Variants in CLTC observed in about 807,000 individuals in gnomAD.
CLTC encodes clathrin heavy chain.
Under a neutral mutation model 195.8 loss-of-function variants are expected in CLTC, and 16 were observed. The ratio of observed to expected loss-of-function variants is 0.08; its 90% CI spans 0.06 to 0.12. The LOEUF is 0.12. Ranked by LOEUF, CLTC falls within the 10% of genes least tolerant of loss-of-function variation. CLTC has a pLI of 1.00. For synonymous variants in CLTC, 667 were observed against 689.4 expected, an observed-to-expected ratio of 0.97 and a Z score of 0.51; for missense variants, 796 against 2,027.0, an observed-to-expected ratio of 0.39 and a Z score of 11.66.
chr17:59,679,353 C>G, intron 17 of CLTC, 44 bp from the exon 18 acceptor site: 2 of 1,505,790 alleles, frequency 1.3e-6, no homozygotes, highest in Non-Finnish European at 1.8e-6. Flanking sequence ...TATAAAAAGT[C>G]CTTTACTTTT....
intron 1 of CLTC, among the ~76,000 whole-genome samples, chr17:59,623,806 T>C (rs2031459910): frequency 6.6e-6 from 1 of 152,246 alleles, no homozygotes; most frequent in Non-Finnish European, 1.5e-5. Flanking sequence ...TACATAGGGA[T>C]ATTGAGCACT....
Position 59,673,632 on chromosome 17 carries a change from T to C in CLTC, c.2293-15T>C, listed in dbSNP as rs751027553. On this transcript the variant is annotated splice_polypyrimidine_tract_variant and intron_variant, in intron 14 of 31. Coordinates refer to ENST00000269122, the MANE Select transcript of CLTC (RefSeq NM_004859.4). ...GAAGAAATTTAAAGTTTCCTTTTGT[T>C]TGTCTTTTTTTCAGGAAGCAAAACT... 8 of 1,601,106 alleles carry C rather than the reference T, an allele frequency of 5.0e-6. No homozygotes were observed. The highest frequency in any genetic ancestry group is 3.3e-4 in the Middle Eastern group (2 of 5,984).
intron 5 of CLTC, among the ~76,000 whole-genome samples, chr17:59,653,557 C>T (rs970727418): frequency 6.6e-6 from 1 of 150,884 alleles, no homozygotes; most frequent in Non-Finnish European, 1.5e-5. Context: ...CCCTTTCCCT[C>T]TCCCTCTTTA....
chr17:59,634,426 T>C lies in CLTC; in HGVS notation c.43-9850T>C, dbSNP rs187625862. On this transcript the variant is annotated intron_variant, in intron 1 of 31. Coordinates refer to ENST00000269122, the MANE Select transcript of CLTC (RefSeq NM_004859.4). ...TAACATTGGCCTAATTGATCTGATA[T>C]CATCTAATTATTGGCTTATTTTTTA... Among the ~76,000 whole-genome samples, 735 of 152,268 alleles carry C rather than the reference T, an allele frequency of 4.8e-3. 8 individuals carry two copies. The highest frequency in any genetic ancestry group is 0.017 in the African/African-American group (701 of 41,544).
Position 59,648,396 on chromosome 17 carries a change from G to A in CLTC, c.676G>A (p.Gly226Arg). ...TTTTGCAGTTCGGGGCCAAGCTGGA[G>A]GGAAGGTAAGTTTTGGCTTTGGTAA... The part of the protein sequence containing the change: ...FCFAVRGQAG[G>R]KLHIIEVGTP... The change falls in exon 4 of 32, where the codon GGG becomes AGG. Residue 226 changes from glycine (G) to arginine (R), a missense_variant. By Grantham distance (125) the Gly-to-Arg change is moderately radical (BLOSUM62 -2). Transcript: ENST00000269122. This position sits in a 1 kb window ranked among gnomAD's most constrained non-coding sequence, Gnocchi z 4.5. 1 of 1,612,434 alleles carries A rather than the reference G, an allele frequency of 6.2e-7. No homozygotes were observed. The highest frequency in any genetic ancestry group is 8.5e-7 in the Non-Finnish European group (1 of 1,179,010).
Position 59,647,410 on chromosome 17 carries a change from T to G in CLTC, c.263T>G (p.Leu88Arg). ...KVIALKAGKT[L>R]QIFNIEMKSK... Reference sequence around the variant, plus strand: ...ATTTTGTTTTTAGCTGGGAAAACTCTTCAGATTTTTAACATTGAAATGAAA... The same window carrying G: ...ATTTTGTTTTTAGCTGGGAAAACTCGTCAGATTTTTAACATTGAAATGAAA... The change falls in exon 3 of 32, where the codon CTT becomes CGT. Residue 88 changes from leucine (L) to arginine (R), a missense_variant. By Grantham distance (102) the Leu-to-Arg change is moderately radical. Coordinates refer to ENST00000269122, the MANE Select transcript of CLTC (RefSeq NM_004859.4). The G allele has an allele frequency of 6.2e-7, 1 of 1,612,078 alleles. No individual in the cohort carries two copies. Among genetic ancestry groups the G allele is most frequent in the Non-Finnish European group, 8.5e-7 (1 of 1,178,860 alleles).
At chr17:59,657,710 A>G (rs1349127919) in intron 6 of CLTC, among the ~76,000 whole-genome samples, 1 of 149,126 alleles carries the variant, frequency 6.7e-6, no homozygotes, top group East Asian at 2.0e-4. Flanking sequence ...GGAGGTTTCT[A>G]TGAGCTGAGA....
Position 59,685,318 on chromosome 17 carries a change from G to A in CLTC, c.4605+92G>A. 1 of 1,259,080 alleles carries A rather than the reference G, an allele frequency of 7.9e-7. No individual in the cohort carries two copies. The highest frequency in any genetic ancestry group is 1.1e-6 in the Non-Finnish European group (1 of 931,378). 78.0% of individuals were successfully genotyped at this position (1,259,080 alleles called of 1,614,324 possible). ...ATCTATAAATAAAAGTATTGGTTTT[G>A]TGAATATGAGAGCTGACTTTAAGGC... On this transcript the variant is annotated intron_variant, in intron 29 of 31. Coordinates refer to ENST00000269122, the MANE Select transcript of CLTC (RefSeq NM_004859.4). The surrounding 1 kb of genome is among the most constrained non-coding windows in gnomAD (Gnocchi z 5.0).
chr17:59,621,218 A>C (rs2031367886), intron 1 of CLTC, among the ~76,000 whole-genome samples: 1 of 152,250 alleles, frequency 6.6e-6, no homozygotes, highest in Admixed American at 6.5e-5. Context: ...TCACTGAATT[A>C]AACCTCTTCA....
At position 59,695,110 on chromosome 17, in the gene CLTC, G is replaced by A. The variant is rs1053436952; in HGVS notation, c.*1258G>A. On this transcript the variant is annotated 3_prime_UTR_variant, in exon 32 of 32. Coordinates refer to ENST00000269122, the MANE Select transcript of CLTC (RefSeq NM_004859.4). ...CTTGAAATAAAATATATTTAAACAT[G>A]TAGTTAACATGCTCTTTCTCATCAT... 7.9e-5 allele frequency: 16 copies of A among 202,946 alleles called. 1 individual carries two copies. The highest frequency in any genetic ancestry group is 1.0e-5 in the Non-Finnish European group (1 of 98,914). The allele number at this position is 202,946 out of a possible 1,614,324, so 12.6% of individuals were successfully genotyped here.
rs2031312927 is a variant in CLTC, at chr17:59,620,069, G to A, written c.-63G>A. 2 of 1,529,726 alleles carry A rather than the reference G, an allele frequency of 1.3e-6. No homozygotes were observed. Among genetic ancestry groups the A allele is most frequent in the East Asian group, 2.3e-5 (1 of 44,426 alleles). The allele number at this position is 1,529,726 out of a possible 1,614,324, so 94.8% of individuals were successfully genotyped here. Reference sequence around the variant, plus strand: ...CCCTTCTCCTCCTCTCCCTTGGAGAGCCCGGGCAGCCACTGCCCCGCAGCC... The same window carrying A: ...CCCTTCTCCTCCTCTCCCTTGGAGAACCCGGGCAGCCACTGCCCCGCAGCC... On this transcript the variant is annotated 5_prime_UTR_variant, in exon 1 of 32. Coordinates refer to ENST00000269122, the MANE Select transcript of CLTC (RefSeq NM_004859.4).
intron 1 of CLTC, among the ~76,000 whole-genome samples, chr17:59,636,305 G>A (rs1439203409): frequency 2.0e-5 from 3 of 152,112 alleles, no homozygotes; most frequent in Admixed American, 6.6e-5. Context: ...AGTAAGGATG[G>A]ATACTTTTTT....
intron 1 of CLTC, among the ~76,000 whole-genome samples, chr17:59,623,123 C>G (rs2031435455): frequency 6.6e-6 from 1 of 152,174 alleles, no homozygotes; most frequent in African/African-American, 2.4e-5. Context: ...TTGACACATT[C>G]CATTGTATTC....
chr17:59,645,959 C>G, intron 2 of CLTC: 8 of 673,448 alleles, frequency 1.2e-5, no homozygotes, highest in African/African-American at 2.0e-5. Flanking sequence ...AAATTCTTTT[C>G]TATTTTTAAT....
rs554057422 is a variant in CLTC at position 59,650,724 on chromosome 17, A to G, written c.682-479A>G. 3.3e-5 allele frequency among the ~76,000 whole-genome samples: 5 copies of G among 152,212 alleles called. No individual in the cohort carries two copies. In the East Asian group the frequency reaches 9.6e-4, roughly 29 times the overall value. The stretch of plus-strand genomic sequence containing the variant: ...TGTGTTCTTTACCCAGTTTCTCCCA[A>G]TGGCTACATCTTACACAGCTGTAGT... On this transcript the variant is annotated intron_variant, in intron 4 of 31. Transcript: ENST00000269122.
At chr17:59,657,315 A>G (rs1023038318) in intron 6 of CLTC, among the ~76,000 whole-genome samples, 1 of 152,140 alleles carries the variant, frequency 6.6e-6, no homozygotes, top group African/African-American at 2.4e-5. Flanking sequence ...ATACTTATTA[A>G]AATTGCTCGC....
intron 2 of CLTC, among the ~76,000 whole-genome samples, chr17:59,645,375 A>C (rs1481981165): frequency 6.6e-6 from 1 of 152,222 alleles, no homozygotes; most frequent in Non-Finnish European, 1.5e-5. Context: ...AATTGTCCCA[A>C]CAAGGGAACT....
At chr17:59,665,105 G>C (rs1451042051) in intron 10 of CLTC, among the ~76,000 whole-genome samples, 196 bp downstream of exon 10, 2 of 151,888 alleles carry the variant, frequency 1.3e-5, no homozygotes, top group Non-Finnish European at 2.9e-5. Flanking sequence ...CATGCCTGTC[G>C]CCCCAGCTAC....
intron 1 of CLTC, among the ~76,000 whole-genome samples, chr17:59,625,936 T>G (rs2031537345): frequency 6.6e-6 from 1 of 152,214 alleles, no homozygotes; most frequent in Non-Finnish European, 1.5e-5. Context: ...TGAGATCATG[T>G]ATGTGAAAGT....
Sources: gnomAD v4.1 joint callset for allele counts (sites outside exome capture counted in the v4.1 genomes callset) on GRCh38, gnomAD v4.1.1 for gene constraint, Gnocchi (gnomAD v3.1) non-coding constraint, MANE v1.5 for transcripts, NCBI Gene and HGNC (gene_info 2026-07-23, HGNC 2026-07-21) for gene names.